Variants in HPSE2 observed in about 807,000 individuals in gnomAD.
The protein encoded by HPSE2 is inactive heparanase-2.
A neutral mutation model predicts 60.5 loss-of-function variants in HPSE2; 38 were observed. The ratio of observed to expected loss-of-function variants is 0.63; its 90% CI spans 0.48 to 0.82. HPSE2 has a LOEUF of 0.82. HPSE2 is among the 40% of genes least tolerant of loss of function. HPSE2 has a pLI of 0.00. For synonymous variants in HPSE2, 295 were observed against 293.2 expected (o/e 1.01, Z -0.06); for missense variants, 713 against 740.4 (o/e 0.96, Z 0.43).
intron 3 of HPSE2, among the ~76,000 whole-genome samples, chr10:98,881,397 T>TA (rs1953019109): frequency 6.6e-6 from 1 of 151,984 alleles, no homozygotes; most frequent in Non-Finnish European, 1.5e-5. Flanking sequence ...TGCTAAGTAA[T>TA]AAAGTCAGGA....
Position 99,070,194 on chromosome 10 carries a change from G to C in HPSE2, c.610+74044C>G, listed in dbSNP as rs183536368. 6.0e-4 allele frequency among the ~76,000 whole-genome samples: 92 copies of C among 152,246 alleles called. 1 individual carries two copies. The East Asian group carries it at 0.014, about 22-fold the overall frequency. ...CAGAATGAAAAGACAAGCCACACTA[G>C]GAGAAATTATTTGCAAATCACATAT... is the stretch of plus-strand genomic sequence containing the variant. On this transcript the variant is annotated intron_variant, in intron 3 of 11. Coordinates refer to ENST00000370552, the MANE Select transcript of HPSE2 (RefSeq NM_021828.5).
intron 11 of HPSE2, among the ~76,000 whole-genome samples, chr10:98,464,056 G>C (rs1940421905): frequency 2.6e-5 from 4 of 152,010 alleles, no homozygotes; most frequent in Admixed American, 1.3e-4. Context: ...TGCAGAGGTT[G>C]CAGTGAGCCA....
chr10:98,462,233 C>T (rs1940323975), intron 11 of HPSE2, among the ~76,000 whole-genome samples: 1 of 152,114 alleles, frequency 6.6e-6, no homozygotes, highest in Admixed American at 6.5e-5. Flanking sequence ...GGCTGCAGTG[C>T]AGTGGTGCAT....
intron 1 of HPSE2, 71 bp downstream of exon 1, chr10:99,235,442 T>TG: frequency 7.5e-7 from 1 of 1,341,878 alleles, no homozygotes; most frequent in Non-Finnish European, 1.1e-6. Context: ...CCCTTTGGAA[T>TG]GGGGGATAGG....
intron 2 of HPSE2, among the ~76,000 whole-genome samples, chr10:99,172,131 C>G (rs1847335278): frequency 3.3e-5 from 5 of 152,190 alleles, no homozygotes; most frequent in Admixed American, 3.3e-4. Context: ...ATGATCCCAT[C>G]ATCCAGATAG....
At chr10:99,213,036 C>A (rs1849001541) in intron 2 of HPSE2, among the ~76,000 whole-genome samples, 1 of 151,974 alleles carries the variant, frequency 6.6e-6, no homozygotes, top group Non-Finnish European at 1.5e-5. Context: ...TGGAATAGGA[C>A]AACAACAGAC....
chr10:99,135,551 AACTC>A (rs1845613646), intron 3 of HPSE2, among the ~76,000 whole-genome samples: 1 of 152,132 alleles, frequency 6.6e-6, no homozygotes, highest in Non-Finnish European at 1.5e-5. Flanking sequence ...AGGATTAAGA[AACTC>A]ACTCACAACT....
chr10:98,792,640 C>CAA (rs60889251), intron 3 of HPSE2, among the ~76,000 whole-genome samples: 2 of 139,716 alleles, frequency 1.4e-5, no homozygotes, highest in Admixed American at 7.2e-5. Context: ...CAAATTCCTA[C>CAA]AAAAAAAAAA....
At chr10:99,033,850 C>A (rs189662876) in intron 3 of HPSE2, among the ~76,000 whole-genome samples, 1 of 151,790 alleles carries the variant, frequency 6.6e-6, no homozygotes, top group African/African-American at 2.4e-5. Context: ...CAAAGACTAA[C>A]CAAAATCCTT....
chr10:98,778,297 A>AGAGAGAGAGAG (rs1950390702), intron 3 of HPSE2, among the ~76,000 whole-genome samples: 1 of 150,748 alleles, frequency 6.6e-6, no homozygotes, highest in Non-Finnish European at 1.5e-5. Context: ...AGAGAGAGAG[A>AGAGAGAGAGAG]AAGCAAGAAA....
intron 11 of HPSE2, among the ~76,000 whole-genome samples, chr10:98,467,910 C>T (rs1331920627): frequency 6.6e-6 from 1 of 152,228 alleles, no homozygotes; most frequent in South Asian, 2.1e-4. Context: ...TCCCGGCCAG[C>T]GTGCAGAGAA....
intron 3 of HPSE2, among the ~76,000 whole-genome samples, chr10:98,826,821 G>C (rs992063987): frequency 6.6e-6 from 1 of 152,120 alleles, no homozygotes; most frequent in Admixed American, 6.5e-5. Context: ...ATAGAAGAGA[G>C]GTGAGCCTGC....
chr10:99,145,643 A>C (rs1169645266), intron 2 of HPSE2, among the ~76,000 whole-genome samples: 1 of 152,202 alleles, frequency 6.6e-6, no homozygotes, highest in Non-Finnish European at 1.5e-5. Flanking sequence ...AACAAAACTG[A>C]AGAATTTTAA....
chr10:99,108,225 C>T (rs1306709494), intron 3 of HPSE2, among the ~76,000 whole-genome samples: 3 of 152,060 alleles, frequency 2.0e-5, no homozygotes, highest in Admixed American at 6.6e-5. Flanking sequence ...GGAAAAGTGA[C>T]TTGTGCCAGA....
chr10:98,991,879 C>T (rs564502415), intron 3 of HPSE2, among the ~76,000 whole-genome samples: 27 of 152,226 alleles, frequency 1.8e-4, no homozygotes, highest in African/African-American at 5.1e-4. Context: ...TGGCTAGGAG[C>T]AGGTCTGAAG....
intron 3 of HPSE2, among the ~76,000 whole-genome samples, chr10:98,837,924 A>G (rs1033495527): frequency 5.3e-5 from 8 of 152,156 alleles, no homozygotes; most frequent in African/African-American, 1.4e-4. Flanking sequence ...TTGCTTAAAA[A>G]TTTTTGAAAC....
intron 3 of HPSE2, among the ~76,000 whole-genome samples, chr10:98,938,010 A>T (rs372319449): frequency 9.9e-5 from 14 of 141,806 alleles, no homozygotes; most frequent in African/African-American, 2.6e-4. Context: ...AAACTCCAAC[A>T]GACCTGCAGC....
chr10:99,139,382 T>G (rs1427306429), intron 3 of HPSE2, among the ~76,000 whole-genome samples: 4 of 152,108 alleles, frequency 2.6e-5, no homozygotes, highest in Non-Finnish European at 5.9e-5. Flanking sequence ...ACTTCATCAC[T>G]ATACAATTCA....
At chr10:98,531,785 T>G (rs1589376413) in intron 9 of HPSE2, among the ~76,000 whole-genome samples, 1 of 152,124 alleles carries the variant, frequency 6.6e-6, no homozygotes, top group East Asian at 1.9e-4. Context: ...GGAAGCCCCC[T>G]GGTGACTCTG....
Sources: gnomAD v4.1 joint callset for allele counts (sites outside exome capture counted in the v4.1 genomes callset) on GRCh38, gnomAD v4.1.1 for gene constraint, MANE v1.5 for transcripts, NCBI Gene and HGNC (gene_info 2026-07-23, HGNC 2026-07-21) for gene names.